The following USP34 variants were observed in gnomAD, a reference collection of about 807,000 sequenced individuals.
USP34 encodes the protein ubiquitin specific peptidase 34.
Under a neutral mutation model 460.3 loss-of-function variants are expected in USP34, and 70 were observed. The observed-to-expected ratio is 0.15, with a 90% CI of 0.13 to 0.19. USP34 has a LOEUF of 0.19. USP34 is among the 10% of genes least tolerant of loss of function. USP34 has a pLI of 1.00. For synonymous variants in USP34, 1,647 were observed against 1,405.3 expected (o/e 1.17, Z -3.85); for missense variants, 3,985 against 4,236.2 (o/e 0.94, Z 1.65).
intron 67 of USP34, among the ~76,000 whole-genome samples, chr2:61,218,943 C>A (rs1358551217): frequency 6.6e-6 from 1 of 152,220 alleles, no homozygotes; most frequent in Non-Finnish European, 1.5e-5. Flanking sequence ...ACTTCCTCCA[C>A]ACCCCATTCC....
chr2:61,302,421 T>C (rs751414699), intron 27 of USP34, among the ~76,000 whole-genome samples: 2 of 152,234 alleles, frequency 1.3e-5, no homozygotes, highest in East Asian at 1.9e-4. Flanking sequence ...TATTGGCAAT[T>C]TGCCTTAAGC....
chr2:61,258,351 A>G (rs1307090507), intron 44 of USP34, among the ~76,000 whole-genome samples: 1 of 152,166 alleles, frequency 6.6e-6, no homozygotes, highest in African/African-American at 2.4e-5. Context: ...AAAAATACAC[A>G]AAGAAGTATG....
intron 48 of USP34, among the ~76,000 whole-genome samples, chr2:61,253,114 T>C (rs186447251): frequency 1.3e-5 from 2 of 152,184 alleles, no homozygotes; most frequent in South Asian, 4.1e-4. Context: ...AATAAGCACT[T>C]TGTTCACTTC....
At chr2:61,247,861 C>G (rs147163927) in intron 49 of USP34, among the ~76,000 whole-genome samples, 1 of 152,112 alleles carries the variant, frequency 6.6e-6, no homozygotes, top group East Asian at 1.9e-4. Context: ...GTAGTGCAAT[C>G]TCAACTCACT....
chr2:61,268,438 TAAAA>T (rs35618230), intron 41 of USP34, among the ~76,000 whole-genome samples: 213 of 53,416 alleles, frequency 4.0e-3, no homozygotes, highest in Middle Eastern at 0.014. Context: ...GAGCTGTTGT[TAAAA>T]AAAAAAAAAA....
intron 75 of USP34, among the ~76,000 whole-genome samples, chr2:61,195,975 C>CAG (rs933894138): frequency 2.6e-5 from 4 of 151,550 alleles, no homozygotes; most frequent in African/African-American, 9.7e-5. Context: ...GGCACGATCT[C>CAG]AGCTCACTGC....
At chr2:61,391,439 T>G (rs2593627) in intron 5 of USP34, among the ~76,000 whole-genome samples, 1 of 151,946 alleles carries the variant, frequency 6.6e-6, no homozygotes, top group Admixed American at 6.6e-5. Flanking sequence ...TTTAGTATAA[T>G]AGAGAAAAAG....
At chr2:61,423,313 T>C (rs1286944993) in intron 1 of USP34, among the ~76,000 whole-genome samples, 1 of 152,048 alleles carries the variant, frequency 6.6e-6, no homozygotes, top group African/African-American at 2.4e-5. Context: ...AGTTTCACCA[T>C]GATGGCCAGG....
chr2:61,368,702 T>C (rs918342781), intron 10 of USP34, among the ~76,000 whole-genome samples: 3 of 152,026 alleles, frequency 2.0e-5, no homozygotes, highest in Admixed American at 2.0e-4. Flanking sequence ...TAAACCAACA[T>C]AAATCCCAGC....
intron 27 of USP34, among the ~76,000 whole-genome samples, chr2:61,310,747 C>T (rs750296579): frequency 5.3e-5 from 8 of 151,042 alleles, no homozygotes; most frequent in Non-Finnish European, 1.0e-4. Context: ...AGGAGAGATG[C>T]ACAGGTGAGA....
At chr2:61,338,957 C>T (rs1691508457) in intron 18 of USP34, among the ~76,000 whole-genome samples, 1 of 152,140 alleles carries the variant, frequency 6.6e-6, no homozygotes, top group African/African-American at 2.4e-5. Context: ...ATACTAATAT[C>T]AAAGTGTTTA....
chr2:61,191,342 T>C (rs1262136796), intron 76 of USP34: 1 of 152,196 alleles, frequency 6.6e-6, no homozygotes, highest in Non-Finnish European at 1.5e-5. Context: ...ATTTTAATAA[T>C]TTATATGGAA....
At chr2:61,438,145 G>A (rs1694867386) in intron 1 of USP34, among the ~76,000 whole-genome samples, 1 of 152,148 alleles carries the variant, frequency 6.6e-6, no homozygotes, top group African/African-American at 2.4e-5. Context: ...ACATCAAAAT[G>A]TAATAACCAT....
At position 61,221,599 on chromosome 2, in the gene USP34, T is replaced by G; in HGVS notation, c.7802A>C (p.Asn2601Thr). 4 of 1,613,892 alleles carry G rather than the reference T, an allele frequency of 2.5e-6. No individual in the cohort carries two copies. The highest frequency in any genetic ancestry group is 3.4e-6 in the Non-Finnish European group (4 of 1,179,898). ...SIAKLTPEAA[N>T]PFFKLLTMLM... ...CATAGTCAACAACTTAAAGAAAGGA[T>G]TGGCTGCCTGTAAAACACATACATG... Residue 2601 changes from asparagine to threonine, a missense_variant, in exon 66 of 80, where the codon AAT becomes ACT. Asn to Thr is a moderately conservative substitution (Grantham distance 65). Around this residue, in one of 14 missense-constraint regions of USP34, gnomAD observed 604 missense variants for 684.8 expected, o/e 0.88. Coordinates refer to ENST00000398571, the MANE Select transcript of USP34 (RefSeq NM_014709.4).
chr2:61,349,329 T>G, intron 12 of USP34, 44 bp from the exon 13 acceptor site: 1 of 1,593,624 alleles, frequency 6.3e-7, no homozygotes, highest in South Asian at 1.1e-5. Context: ...TCTAAGTGAC[T>G]CAGCTTCTTT....
chr2:61,288,014 ACTC>A (rs1327291914), intron 34 of USP34, among the ~76,000 whole-genome samples: 3 of 151,932 alleles, frequency 2.0e-5, no homozygotes, highest in South Asian at 2.1e-4. Context: ...TACTTGAGAG[ACTC>A]CTCCTTTCTT....
chr2:61,399,123 G>C (rs1693632313), intron 3 of USP34, among the ~76,000 whole-genome samples: 1 of 152,022 alleles, frequency 6.6e-6, no homozygotes, highest in Non-Finnish European at 1.5e-5. Flanking sequence ...GAGAGGCCTA[G>C]GTAGGTGGAT....
At chr2:61,319,687 T>C (rs1407004477) in intron 21 of USP34, among the ~76,000 whole-genome samples, 2 of 151,878 alleles carry the variant, frequency 1.3e-5, no homozygotes, top group African/African-American at 2.4e-5. Context: ...TCTATTAAAA[T>C]ACAAAAAATT....
chr2:61,403,778 G>A (rs1296216220), intron 3 of USP34, among the ~76,000 whole-genome samples: 1 of 151,950 alleles, frequency 6.6e-6, no homozygotes, highest in African/African-American at 2.4e-5. Context: ...ACAAGGCCAG[G>A]AGATCGAGAC....
Sources: allele counts gnomAD v4.1 joint callset (sites outside exome capture counted in the v4.1 genomes callset), GRCh38; gene constraint gnomAD v4.1.1; regional missense constraint gnomAD v4.1.1; transcripts MANE v1.5; gene names NCBI Gene and HGNC (gene_info 2026-07-23, HGNC 2026-07-21).